NRG4: variants seen among roughly 807,000 people sequenced by gnomAD.
The protein encoded by NRG4 is neuregulin 4.
NRG4 carries 10 observed loss-of-function variants against 15.0 expected under a neutral mutation model. That is an observed-to-expected ratio of 0.67 (90% CI 0.41 to 1.13). The LOEUF (loss-of-function observed/expected upper bound fraction) is 1.13, where lower values mean the gene tolerates loss of function less well. Ranked by LOEUF, NRG4 falls within the 50% of genes most tolerant of loss-of-function variation. NRG4 has a pLI of 0.00. For missense variants in NRG4, 139 were observed against 140.2 expected (o/e 0.99, Z 0.04); for synonymous variants, 41 against 50.1 (o/e 0.82, Z 0.77).
At chr15:76,023,249 G>C (rs1286443216) in intron 5 of NRG4, among the ~76,000 whole-genome samples, 2 of 151,308 alleles carry the variant, frequency 1.3e-5, no homozygotes, top group Non-Finnish European at 3.0e-5. Context: ...GAGAGTGCTG[G>C]AGTGCAGTAG....
At chr15:75,997,321 T>A (rs2141884015) in intron 3 of NRG4, among the ~76,000 whole-genome samples, 1 of 152,256 alleles carries the variant, frequency 6.6e-6, no homozygotes, top group East Asian at 1.9e-4. Flanking sequence ...CATCTCATCA[T>A]CTTCTTACCC....
chr15:76,033,899 T>C (rs2035536705), intron 5 of NRG4, among the ~76,000 whole-genome samples: 1 of 152,238 alleles, frequency 6.6e-6, no homozygotes, highest in African/African-American at 2.4e-5. Flanking sequence ...CAATAAGTTT[T>C]AAAAATCTAG....
rs2033862615 is a variant in NRG4, at chr15:75,988,101, G to C, written c.104+21099C>G. 2.0e-5 allele frequency among the ~76,000 whole-genome samples: 3 copies of C among 152,192 alleles called. No homozygotes were observed. In the South Asian group the frequency reaches 6.2e-4, roughly 32 times the overall value. On this transcript the variant is annotated intron_variant, in intron 3 of 5. Transcript: ENST00000394907. ...TGAACCAAGCTTTGTAACAGTTTGTGAAGATTGAGAAGCTAGTTGAGAGAA... is the reference window on the plus strand; with the variant it reads ...TGAACCAAGCTTTGTAACAGTTTGTCAAGATTGAGAAGCTAGTTGAGAGAA...
chr15:75,973,020 ATTTG>A (rs2033182861), intron 3 of NRG4, among the ~76,000 whole-genome samples: 1 of 152,130 alleles, frequency 6.6e-6, no homozygotes, highest in African/African-American at 2.4e-5. Flanking sequence ...ATGTTCTTCC[ATTTG>A]TTTGTGTCCT....
At chr15:75,998,094 GA>G (rs1209164154) in intron 3 of NRG4, among the ~76,000 whole-genome samples, 1 of 152,156 alleles carries the variant, frequency 6.6e-6, no homozygotes, top group Non-Finnish European at 1.5e-5. Context: ...AGAATTAACA[GA>G]AAAATTATTA....
At chr15:75,985,686 G>A (rs982428414) in intron 3 of NRG4, among the ~76,000 whole-genome samples, 2 of 152,132 alleles carry the variant, frequency 1.3e-5, no homozygotes, top group Admixed American at 1.3e-4. Flanking sequence ...GCCTTTCTAA[G>A]GATAGCAGTC....
intron 4 of NRG4, among the ~76,000 whole-genome samples, chr15:76,040,041 C>T (rs577786928): frequency 1.9e-4 from 28 of 151,124 alleles, no homozygotes; most frequent in Non-Finnish European, 2.7e-4. Context: ...CCTGCCACCC[C>T]GCCAAATAAA....
rs985317410 is a variant in NRG4 at position 75,941,850 on chromosome 15, C to T, written c.*1788G>A. 7.1e-6 allele frequency: 1 copy of T among 141,494 alleles called. No individual in the cohort carries two copies. The highest frequency in any genetic ancestry group is 2.1e-4 in the East Asian group (1 of 4,738). The allele number at this position is 141,494 out of a possible 1,614,324, so 8.8% of individuals were successfully genotyped here. Reference sequence around the variant, plus strand: ...GCATAGTGGTGACTGGTACATACAACGAATGTATTTAATGCCTTTAAACTG... The same window carrying T: ...GCATAGTGGTGACTGGTACATACAATGAATGTATTTAATGCCTTTAAACTG... On this transcript the variant is annotated 3_prime_UTR_variant, in exon 6 of 6. Transcript: ENST00000394907.
At chr15:76,035,902 G>A (rs1469690659) in intron 5 of NRG4, 1 of 152,022 alleles carries the variant, frequency 6.6e-6, no homozygotes, top group African/African-American at 2.4e-5. Context: ...ATAGATAAAC[G>A]TTGTGAAAAA....
intron 3 of NRG4, among the ~76,000 whole-genome samples, chr15:75,975,528 T>C (rs971904605): frequency 6.6e-6 from 1 of 152,232 alleles, no homozygotes; most frequent in Non-Finnish European, 1.5e-5. Context: ...TCAGGAGCTC[T>C]TGTAAGGCAG....
Position 76,017,505 on chromosome 15 carries a change from A to G in NRG4, c.-56-6219T>C, listed in dbSNP as rs559749869. 7.9e-5 allele frequency among the ~76,000 whole-genome samples: 12 copies of G among 152,212 alleles called. No individual in the cohort carries two copies. In the South Asian group the frequency reaches 1.5e-3, roughly 18 times the overall value. On this transcript the variant is annotated intron_variant, in intron 5 of 8. Transcript: ENST00000563910. ...CCTTTCCATGTTTAGTGCTTCCTTC[A>G]GGGGCTCTTGTAAAGCAGGCCTGGT...
At chr15:75,964,853 G>T (rs561099958) in intron 3 of NRG4, among the ~76,000 whole-genome samples, 18 of 152,008 alleles carry the variant, frequency 1.2e-4, no homozygotes, top group Non-Finnish European at 2.4e-4. Flanking sequence ...TTGAGCCCAG[G>T]TCAAGGCATA....
intron 5 of NRG4, among the ~76,000 whole-genome samples, chr15:76,030,520 A>G (rs191653071): frequency 6.6e-6 from 1 of 152,286 alleles, no homozygotes; most frequent in Admixed American, 6.5e-5. Flanking sequence ...GTGCTGGGAA[A>G]ACTAGATAGC....
rs1314113355 is a variant in NRG4 at position 76,009,262 on chromosome 15, C to T, written c.42G>A (p.Lys14=). 1.2e-6 allele frequency: 2 copies of T among 1,601,526 alleles called. No homozygotes were observed. Among genetic ancestry groups the T allele is most frequent in the Non-Finnish European group, 1.7e-6 (2 of 1,171,720 alleles). ...AAAGCCCCCCATTCAGGCAAAACGA[C>T]TTGTGACTGGGACCACAGGGCTCTT... ...DHEEPCGPSH[K]SFCLNGGLCY... The change falls in exon 3 of 6, where the codon AAG becomes AAA. Residue 14 remains lysine (K), a synonymous_variant. Transcript: ENST00000394907.
intron 3 of NRG4, among the ~76,000 whole-genome samples, chr15:76,004,422 G>A (rs1567104525): frequency 6.6e-6 from 1 of 151,792 alleles, no homozygotes; most frequent in African/African-American, 2.4e-5. Flanking sequence ...CCAAAATGGA[G>A]AAATCTTGTC....
At chr15:76,016,261 T>C (rs146215967), upstream of NRG4, among the ~76,000 whole-genome samples, 1 of 152,286 alleles carries the variant, frequency 6.6e-6, no homozygotes, top group East Asian at 1.9e-4. Flanking sequence ...TAGCAGTCTA[T>C]TTTATTGATC....
intron 5 of NRG4, among the ~76,000 whole-genome samples, chr15:75,953,514 G>C (rs2032037389): frequency 6.6e-6 from 1 of 152,150 alleles, no homozygotes; most frequent in African/African-American, 2.4e-5. Context: ...GTGTTTGAAA[G>C]ATATTTTTGC....
At chr15:75,936,749 T>G (rs2141733079), downstream of NRG4, 1 of 152,042 alleles carries the variant, frequency 6.6e-6, no homozygotes, top group East Asian at 1.9e-4. Flanking sequence ...TAATTTTGTA[T>G]TTTTAGTAGA....
intron 3 of NRG4, among the ~76,000 whole-genome samples, chr15:75,994,588 C>A (rs995533294): frequency 6.6e-6 from 1 of 152,128 alleles, no homozygotes; most frequent in Non-Finnish European, 1.5e-5. Flanking sequence ...GAGGTATATG[C>A]GTATTTGATT....
Sources: gnomAD v4.1 joint callset for allele counts (sites outside exome capture counted in the v4.1 genomes callset) on GRCh38, gnomAD v4.1.1 for gene constraint, MANE v1.5 for transcripts, NCBI Gene and HGNC (gene_info 2026-07-23, HGNC 2026-07-21) for gene names.